Variants in ZC3H4 observed in about 807,000 individuals in gnomAD.
ZC3H4 encodes zinc finger CCCH domain-containing protein 4.
In ZC3H4, 13 loss-of-function variants were observed where a neutral mutation model predicts 108.3. That is an observed-to-expected ratio of 0.12 (90% CI 0.08 to 0.19). ZC3H4 has a LOEUF of 0.19. ZC3H4 is among the 10% of genes least tolerant of loss of function. ZC3H4 has a pLI of 1.00. For missense variants in ZC3H4, 1,734 were observed against 1,838.8 expected (o/e 0.94, Z 1.04); for synonymous variants, 917 against 749.6 (o/e 1.22, Z -3.65).
At position 47,067,640 on chromosome 19, in the gene ZC3H4, A is replaced by G. The variant is rs1447641008; in HGVS notation, c.2628T>C (p.Ala876=). ...AATCACCTGGGCCAGACCCGCCAGA[A>G]GCCTCCACATGGCGGGTGAGTCTGG... is the stretch of plus-strand genomic sequence containing the variant. The part of the protein sequence containing the change: ...RDPRLTRHVE[A]SGGSGPGDSG... Residue 876 remains alanine, a synonymous_variant, in exon 15 of 15, where the codon GCT becomes GCC. Transcript: ENST00000253048. This position sits in a 1 kb window ranked among gnomAD's most constrained non-coding sequence, Gnocchi z 6.4. 1.9e-6 allele frequency: 3 copies of G among 1,605,162 alleles called. No homozygotes were observed. In the Admixed American group the frequency reaches 5.1e-5, roughly 27 times the overall value.
chr19:47,069,743 GTTTC>G (rs764235039), intron 13 of ZC3H4, among the ~76,000 whole-genome samples: 19 of 152,148 alleles, frequency 1.2e-4, no homozygotes, highest in Non-Finnish European at 2.6e-4. Context: ...GAGTTGCACG[GTTTC>G]TTTCTAACAA....
At chr19:47,081,480 G>A in intron 11 of ZC3H4, 33 bp downstream of exon 11, 3 of 1,577,926 alleles carry the variant, frequency 1.9e-6, no homozygotes, top group Non-Finnish European at 2.6e-6. Flanking sequence ...CCCAGTTCCT[G>A]TAGCCGGGGG....
At chr19:47,096,740 A>G (rs2057827324) in intron 2 of ZC3H4, 1 of 921,040 alleles carries the variant, frequency 1.1e-6, no homozygotes, top group East Asian at 1.2e-4. Context: ...GCTGAGAGGG[A>G]CATGATCACC....
Position 47,064,625 on chromosome 19 carries a change from CTG to C in ZC3H4, c.*1729_*1730del, listed in dbSNP as rs1186000918. On this transcript the variant is annotated 3_prime_UTR_variant, in exon 15 of 15. Coordinates refer to ENST00000253048, the MANE Select transcript of ZC3H4 (RefSeq NM_015168.2). Reference sequence around the variant, plus strand: ...CAACAAAAACCACAACACTGCCACACTGTGTATTCATACTTATTTTACAAACA... The same window carrying C: ...CAACAAAAACCACAACACTGCCACACTGTATTCATACTTATTTTACAAACA... The C allele has an allele frequency of 6.6e-6, 1 of 151,424 alleles. No homozygotes were observed. The highest frequency in any genetic ancestry group is 1.5e-5 in the Non-Finnish European group (1 of 67,858). 9.4% of individuals were successfully genotyped at this position (151,424 alleles called of 1,614,324 possible).
intron 2 of ZC3H4, among the ~76,000 whole-genome samples, chr19:47,109,968 G>A (rs1477370167): frequency 6.6e-6 from 1 of 152,122 alleles, no homozygotes; most frequent in Non-Finnish European, 1.5e-5. Context: ...CTGGGGGCTG[G>A]AGGAGGTGTT....
chr19:47,069,222 G>A lies in ZC3H4; in HGVS notation c.2268C>T (p.Ala756=), dbSNP rs763635345. 1.7e-5 allele frequency: 28 copies of A among 1,612,946 alleles called. No homozygotes were observed. In the Admixed American group the frequency reaches 1.8e-4, roughly 11 times the overall value. ...GGPPGRPKPG[A]GVPDFLPSAQ... is the part of the protein sequence containing the mutation. ...CTGAGGGCAGGAAGTCAGGGACACC[G>A]GCGCCTGGCTTCGGCCGGCCTGGGG... is the stretch of plus-strand genomic sequence containing the variant. The change falls in exon 14 of 15, where the codon GCC becomes GCT. Residue 756 remains alanine (A), a synonymous_variant. Coordinates refer to ENST00000253048, the MANE Select transcript of ZC3H4 (RefSeq NM_015168.2).
At position 47,085,392 on chromosome 19, in the gene ZC3H4, A is replaced by T; in HGVS notation, c.893T>A (p.Met298Lys). 6.3e-7 allele frequency: 1 copy of T among 1,598,554 alleles called. No homozygotes were observed. Among genetic ancestry groups the T allele is most frequent in the Non-Finnish European group, 8.5e-7 (1 of 1,172,782 alleles). ...EMDYGESEEP[M>K]GDDDYDEYSK... The stretch of plus-strand genomic sequence containing the variant: ...GTACTCGTCATAGTCGTCGTCTCCC[A>T]TTGGCTCCTCACTCTCTCCATACTG... Residue 298 changes from methionine to lysine, a missense_variant, in exon 7 of 15, where the codon ATG becomes AAG. Coordinates refer to ENST00000253048, the MANE Select transcript of ZC3H4 (RefSeq NM_015168.2).
chr19:47,085,153 T>C lies in ZC3H4; in HGVS notation c.1010A>G (p.Lys337Arg). The C allele has an allele frequency of 1.9e-6, 3 of 1,613,246 alleles. 1 individual carries two copies. Among genetic ancestry groups the C allele is most frequent in the East Asian group, 4.5e-5 (2 of 44,816 alleles). Residue 337 changes from lysine to arginine, a missense_variant, in exon 8 of 15, where the codon AAA (lysine) becomes AGA (arginine). Physicochemically the swap from Lys to Arg is conservative, Grantham distance 26 (BLOSUM62 2). Around this residue, in one of 9 missense-constraint regions of ZC3H4, gnomAD observed 403 missense variants for 457.0 expected, o/e 0.88. Transcript: ENST00000253048. ...TCGGCCTCGGCCCCGACCCATTCCTTTCCCTCGACCTCGGGAGCCCCTGCC... is the reference window on the plus strand; with the variant it reads ...TCGGCCTCGGCCCCGACCCATTCCTCTCCCTCGACCTCGGGAGCCCCTGCC... ...GRGRGSRGRG[K>R]GMGRGRGRGG...
At chr19:47,093,921 T>C (rs758936830) in intron 4 of ZC3H4, 49 bp downstream of exon 4, 5 of 1,532,680 alleles carry the variant, frequency 3.3e-6, no homozygotes, top group East Asian at 2.3e-5. Context: ...ACACAAGCAG[T>C]TGAACTCCTC....
intron 2 of ZC3H4, among the ~76,000 whole-genome samples, chr19:47,110,217 G>T (rs1200726819): frequency 1.3e-5 from 2 of 151,956 alleles, no homozygotes; most frequent in African/African-American, 4.8e-5. Flanking sequence ...TTTGGGGAGT[G>T]GGGGGGAGGG....
At chr19:47,087,380 T>A (rs2057649825) in intron 5 of ZC3H4, among the ~76,000 whole-genome samples, 1 of 151,814 alleles carries the variant, frequency 6.6e-6, no homozygotes, top group African/African-American at 2.4e-5. Flanking sequence ...TTTAAACATA[T>A]TAGGTTGAAA....
At chr19:47,091,913 C>T (rs1418270007) in intron 4 of ZC3H4, among the ~76,000 whole-genome samples, 1 of 151,586 alleles carries the variant, frequency 6.6e-6, no homozygotes, top group East Asian at 2.0e-4. Flanking sequence ...AATGAATGAA[C>T]GCATAAAAAA....
chr19:47,094,107 G>A, intron 3 of ZC3H4, 27 bp from the exon 4 acceptor site: 1 of 1,606,702 alleles, frequency 6.2e-7, no homozygotes. Flanking sequence ...AGGAGACTCA[G>A]CAACCTGCCA....
At chr19:47,077,369 G>C (rs1410571246) in intron 11 of ZC3H4, among the ~76,000 whole-genome samples, 1 of 149,486 alleles carries the variant, frequency 6.7e-6, no homozygotes, top group East Asian at 2.0e-4. Flanking sequence ...TCAGGAGGCT[G>C]AGACAGGAGA....
In ZC3H4 at chr19:47,066,178, A is replaced by C. The variant is rs1237477086; in HGVS notation, c.*178T>G. The C allele has an allele frequency of 3.7e-6, 2 of 546,012 alleles. No individual in the cohort carries two copies. The highest frequency in any genetic ancestry group is 3.9e-5 in the African/African-American group (2 of 51,126). 33.8% of individuals were successfully genotyped at this position (546,012 alleles called of 1,614,324 possible). On this transcript the variant is annotated 3_prime_UTR_variant, in exon 15 of 15. Coordinates refer to ENST00000253048, the MANE Select transcript of ZC3H4 (RefSeq NM_015168.2). ...AACTTAAGATGGTTATATACAATTT[A>C]CAAATCTCAAAGAAAGTACTACTTT...
At chr19:47,090,236 G>A (rs372811717) in intron 4 of ZC3H4, 47 bp from the exon 5 acceptor site, 42 of 1,604,504 alleles carry the variant, frequency 2.6e-5, no homozygotes, top group African/African-American at 1.1e-4. Context: ...TCCCACAGCC[G>A]TGGGTGCAGA....
At position 47,070,697 on chromosome 19, in the gene ZC3H4, G is replaced by A. The variant is rs566233584; in HGVS notation, c.2146+1081C>T. On this transcript the variant is annotated intron_variant, in intron 13 of 14. Transcript: ENST00000253048. ...TGCACCACCTAAAGCCAAAGCCCACGTTCACATTTTGATCTCTAGCCTGGG... is the reference window on the plus strand; with the variant it reads ...TGCACCACCTAAAGCCAAAGCCCACATTCACATTTTGATCTCTAGCCTGGG... Among the ~76,000 whole-genome samples the A allele has an allele frequency of 3.9e-5, 6 of 152,202 alleles. No individual in the cohort carries two copies. In the South Asian group the frequency reaches 6.2e-4, roughly 16 times the overall value.
At chr19:47,088,104 C>T (rs1253745169) in intron 5 of ZC3H4, among the ~76,000 whole-genome samples, 4 of 151,950 alleles carry the variant, frequency 2.6e-5, no homozygotes, top group South Asian at 2.1e-4. Context: ...ACCCGGGAAG[C>T]GGAGGTTGCA....
intron 2 of ZC3H4, among the ~76,000 whole-genome samples, chr19:47,111,933 G>A (rs982886448): frequency 9.9e-5 from 15 of 152,074 alleles, no homozygotes; most frequent in African/African-American, 3.4e-4. Context: ...AAACCCCTAA[G>A]AGCGGGGCTG....
Sources: allele counts gnomAD v4.1 joint callset (sites outside exome capture counted in the v4.1 genomes callset), GRCh38; gene constraint gnomAD v4.1.1; regional missense constraint gnomAD v4.1.1; non-coding constraint Gnocchi (gnomAD v3.1); transcripts MANE v1.5; gene names NCBI Gene and HGNC (gene_info 2026-07-23, HGNC 2026-07-21).